GSE1: variants seen among roughly 807,000 people sequenced by gnomAD.
GSE1 encodes the protein Gse1 coiled-coil protein, also known as genetic suppressor element 1.
In GSE1, 32 loss-of-function variants were observed where a neutral mutation model predicts 112.6. The observed-to-expected ratio is 0.28, with a 90% CI of 0.21 to 0.38. The LOEUF is 0.38. GSE1 is among the 10% of genes least tolerant of loss of function. The pLI, the probability that GSE1 is intolerant of heterozygous loss-of-function variation, is 1.00. For synonymous variants in GSE1, 1,115 were observed against 735.6 expected (o/e 1.52, Z -8.35); for missense variants, 2,348 against 1,699.2 (o/e 1.38, Z -6.71).
chr16:85,648,494 G>A (rs1429503590), intron 2 of GSE1, 58 bp from the exon 3 acceptor site: 3 of 859,668 alleles, frequency 3.5e-6, no homozygotes, highest in Non-Finnish European at 5.4e-6. Flanking sequence ...TCCCCAGCTG[G>A]CACTGCACGT....
intron 1 of GSE1, among the ~76,000 whole-genome samples, chr16:85,278,012 A>T (rs1161419864): frequency 6.6e-6 from 1 of 152,264 alleles, no homozygotes; most frequent in Non-Finnish European, 1.5e-5. Flanking sequence ...CATTGAGAGC[A>T]GTCACAATAT....
chr16:85,554,842 G>C (rs1036658040), upstream of GSE1: 2 of 982,956 alleles, frequency 2.0e-6, no homozygotes, highest in Non-Finnish European at 1.2e-6. Context: ...TTGGGCAGCC[G>C]GAGGGGGGGC....
rs561872815 is a variant in GSE1, at chr16:85,615,049, G to T, written c.7+1651G>T. On this transcript the variant is annotated intron_variant, in intron 1 of 15. Transcript: ENST00000253458. Reference sequence around the variant, plus strand: ...ATTCCGTGCTCCCGCCTCCCGGCAGGGGTGGAAGGGGGAACCCAGGTGAGC... The same window carrying T: ...ATTCCGTGCTCCCGCCTCCCGGCAGTGGTGGAAGGGGGAACCCAGGTGAGC... Among the ~76,000 whole-genome samples, 37 of 152,356 alleles carry T rather than the reference G, an allele frequency of 2.4e-4. 1 individual carries two copies. Among genetic ancestry groups the T allele is most frequent in the South Asian group, 1.9e-3 (9 of 4,828 alleles).
At chr16:85,335,710 G>C (rs760404527) in intron 1 of GSE1, among the ~76,000 whole-genome samples, 1 of 152,258 alleles carries the variant, frequency 6.6e-6, no homozygotes, top group Non-Finnish European at 1.5e-5. Flanking sequence ...GCTGCCGGGA[G>C]AAAGAGAAGG....
intron 1 of GSE1, among the ~76,000 whole-genome samples, chr16:85,561,239 A>G (rs2045505077): frequency 6.6e-6 from 1 of 151,838 alleles, no homozygotes; most frequent in South Asian, 2.1e-4. Flanking sequence ...AGGTGAGGCT[A>G]CTCTTACCCC....
chr16:85,296,668 C>T (rs2045375626), intron 1 of GSE1, among the ~76,000 whole-genome samples: 4 of 152,144 alleles, frequency 2.6e-5, no homozygotes, highest in Admixed American at 2.0e-4. Flanking sequence ...CATTTCTGAG[C>T]GCCCTTCAAC....
intron 2 of GSE1, among the ~76,000 whole-genome samples, chr16:85,408,811 AG>A (rs200587872): frequency 1.9e-5 from 1 of 53,030 alleles, no homozygotes; most frequent in African/African-American, 8.5e-5. Flanking sequence ...CGTTGCACTC[AG>A]GGCCCCCCGG....
chr16:85,201,283 C>G (rs2075023784), intron 1 of GSE1, among the ~76,000 whole-genome samples: 1 of 150,918 alleles, frequency 6.6e-6, no homozygotes. Flanking sequence ...GTTGCTCAGG[C>G]TGAGTTTGAA....
intron 2 of GSE1, among the ~76,000 whole-genome samples, chr16:85,470,201 C>T (rs566601445): frequency 2.0e-5 from 3 of 152,222 alleles, no homozygotes; most frequent in Non-Finnish European, 4.4e-5. Context: ...CCACGGCACC[C>T]AGAACTTGCT....
intron 1 of GSE1, among the ~76,000 whole-genome samples, chr16:85,228,869 A>G (rs1188465788): frequency 6.6e-6 from 1 of 152,220 alleles, no homozygotes; most frequent in African/African-American, 2.4e-5. Flanking sequence ...ACTAGAAGGC[A>G]CCCTGGGGCC....
At chr16:85,251,935 A>G (rs1023260131) in intron 1 of GSE1, among the ~76,000 whole-genome samples, 26 of 152,236 alleles carry the variant, frequency 1.7e-4, no homozygotes, top group Admixed American at 3.3e-4. Context: ...AGAGGCCACC[A>G]TGCCAGGCTG....
intron 2 of GSE1, among the ~76,000 whole-genome samples, chr16:85,519,576 C>T (rs1440788127): frequency 2.5e-5 from 3 of 121,832 alleles, no homozygotes; most frequent in Admixed American, 8.2e-5. Flanking sequence ...ATCACCATCA[C>T]CAGTCTCCAT....
Position 85,203,132 on chromosome 16 carries a change from G to T in GSE1, c.2283+31325G>T, listed in dbSNP as rs545490393. ...TGGCCCTGGGTCCTCTCCTGTGGGG[G>T]TGCCTGTGCTCTGAGCTCACACCTG... On this transcript the variant is annotated intron_variant, in intron 1 of 2. Coordinates refer to the GSE1 transcript ENST00000637419. 3.9e-5 allele frequency among the ~76,000 whole-genome samples: 6 copies of T among 152,136 alleles called. No individual in the cohort carries two copies. The South Asian group carries it at 1.3e-3, about 32-fold the overall frequency.
intron 1 of GSE1, among the ~76,000 whole-genome samples, chr16:85,350,478 G>A (rs1331496951): frequency 4.6e-5 from 7 of 152,182 alleles, no homozygotes; most frequent in African/African-American, 7.2e-5. Context: ...CCAGCAGCTA[G>A]GAGACAGCCC....
intron 2 of GSE1, among the ~76,000 whole-genome samples, chr16:85,639,849 G>A (rs755112685): frequency 3.9e-5 from 6 of 152,234 alleles, no homozygotes; most frequent in Non-Finnish European, 5.9e-5. Context: ...GCAGCCTCCC[G>A]CAGGGACGCA....
chr16:85,211,846 G>T (rs2075231644), intron 1 of GSE1, among the ~76,000 whole-genome samples: 1 of 152,248 alleles, frequency 6.6e-6, no homozygotes, highest in Non-Finnish European at 1.5e-5. Flanking sequence ...GCCTCTTGGG[G>T]CAGAGCGATT....
At chr16:85,197,097 T>C (rs527688391) in intron 1 of GSE1, among the ~76,000 whole-genome samples, 1 of 152,330 alleles carries the variant, frequency 6.6e-6, no homozygotes, top group Admixed American at 6.5e-5. Context: ...CAGCCATTTA[T>C]TGAGCACCTC....
At chr16:85,571,275 G>A (rs1166123659) in intron 1 of GSE1, among the ~76,000 whole-genome samples, 2 of 152,224 alleles carry the variant, frequency 1.3e-5, no homozygotes, top group Non-Finnish European at 2.9e-5. Flanking sequence ...CCAGGGCACT[G>A]GACCTGCACC....
chr16:85,243,526 C>T (rs762448303), intron 1 of GSE1, among the ~76,000 whole-genome samples: 5 of 152,232 alleles, frequency 3.3e-5, no homozygotes, highest in Non-Finnish European at 5.9e-5. Context: ...AGGAGCCTTG[C>T]ACATGCCCTC....
Sources: allele counts gnomAD v4.1 joint callset (sites outside exome capture counted in the v4.1 genomes callset), GRCh38; gene constraint gnomAD v4.1.1; transcripts MANE v1.5; gene names NCBI Gene and HGNC (gene_info 2026-07-23, HGNC 2026-07-21).